The following CDK5RAP1 variants were observed in gnomAD, a reference collection of about 807,000 sequenced individuals.
CDK5RAP1 encodes mitochondrial tRNA methylthiotransferase CDK5RAP1.
In CDK5RAP1, 62 loss-of-function variants were observed where a neutral mutation model predicts 64.5. The observed-to-expected ratio is 0.96, with a 90% CI of 0.78 to 1.19. The LOEUF (loss-of-function observed/expected upper bound fraction) is 1.19, where lower values mean the gene tolerates loss of function less well. Ranked by LOEUF, CDK5RAP1 falls within the 50% of genes most tolerant of loss-of-function variation. CDK5RAP1 has a pLI of 0.00. For synonymous variants in CDK5RAP1, 250 were observed against 261.9 expected, an observed-to-expected ratio of 0.95 and a Z score of 0.44; for missense variants, 657 against 735.0, an observed-to-expected ratio of 0.89 and a Z score of 1.23.
At position 33,367,026 on chromosome 20, in the gene CDK5RAP1, A is replaced by AG. The variant is rs1568682865; in HGVS notation, c.1393-19_1393-18insC. The AG allele has an allele frequency of 1.1e-5, 17 of 1,590,922 alleles. No homozygotes were observed. The South Asian group carries it at 1.1e-4, about 11-fold the overall frequency. ...CGTGTCTTCTATTAAAAAAAAAAAA[A>AG]AGAGAGAAGATGGAGGTCACCAAGG... On this transcript the variant is annotated intron_variant, in intron 11 of 13. Coordinates refer to ENST00000346416, the MANE Select transcript of CDK5RAP1 (RefSeq NM_016408.4).
chr20:33,365,095 C>T (rs778028953), intron 12 of CDK5RAP1, among the ~76,000 whole-genome samples: 1 of 151,692 alleles, frequency 6.6e-6, no homozygotes, highest in Non-Finnish European at 1.5e-5. Context: ...TAGGTTTCAC[C>T]ATGTTGCCTA....
At chr20:33,369,855 C>A (rs970817124) in intron 11 of CDK5RAP1, among the ~76,000 whole-genome samples, 2 of 152,328 alleles carry the variant, frequency 1.3e-5, no homozygotes, top group South Asian at 4.1e-4. Flanking sequence ...CCCCTGGCCA[C>A]AGGGGGCCTT....
At chr20:33,391,955 C>T (rs974778336) in intron 5 of CDK5RAP1, among the ~76,000 whole-genome samples, 187 bp downstream of exon 5, 39 of 152,218 alleles carry the variant, frequency 2.6e-4, no homozygotes, top group Admixed American at 9.8e-4. Context: ...CAAGGAACTA[C>T]GGAAAGCCCT....
intron 3 of CDK5RAP1, among the ~76,000 whole-genome samples, chr20:33,394,719 A>T (rs911375042): frequency 6.6e-6 from 1 of 152,162 alleles, no homozygotes; most frequent in Non-Finnish European, 1.5e-5. Flanking sequence ...CGCATTTTCC[A>T]TAACTTTTTC....
chr20:33,362,692 A>C lies in CDK5RAP1; in HGVS notation c.1543-2201T>G, dbSNP rs997253635. On this transcript the variant is annotated intron_variant, in intron 12 of 13. Coordinates refer to ENST00000346416, the MANE Select transcript of CDK5RAP1 (RefSeq NM_016408.4). ...AGTAAAACTCTGTAAAAATAGTACA[A>C]AAGGAGGAGGAAGGGACAGAAGTAT... Among the ~76,000 whole-genome samples, 8 of 152,224 alleles carry C rather than the reference A, an allele frequency of 5.3e-5. 2 individuals carry two copies. Among genetic ancestry groups the C allele is most frequent in the Admixed American group, 3.3e-4 (5 of 15,282 alleles).
At chr20:33,382,361 A>G (rs1168558652) in intron 7 of CDK5RAP1, among the ~76,000 whole-genome samples, 1 of 152,200 alleles carries the variant, frequency 6.6e-6, no homozygotes, top group Non-Finnish European at 1.5e-5. Context: ...ATTTTTGTTA[A>G]TCTTACTGGA....
Position 33,378,764 on chromosome 20 carries a change from G to A in CDK5RAP1, c.1107+697C>T, listed in dbSNP as rs968585632. ...ATTTGAACCCGGGTCTGAGGCGAAA[G>A]TCTGGGCTGTTTCCCAGAGCACCAC... is the stretch of plus-strand genomic sequence containing the variant. On this transcript the variant is annotated intron_variant, in intron 8 of 13. Transcript: ENST00000346416. 3.3e-5 allele frequency among the ~76,000 whole-genome samples: 5 copies of A among 152,160 alleles called. No individual in the cohort carries two copies. In the South Asian group the frequency reaches 1.0e-3, roughly 32 times the overall value.
chr20:33,397,383 T>C (rs906985144), intron 1 of CDK5RAP1, among the ~76,000 whole-genome samples: 1 of 152,178 alleles, frequency 6.6e-6, no homozygotes, highest in Non-Finnish European at 1.5e-5. Context: ...CCAAGACCAG[T>C]TCCCAAGGCT....
chr20:33,375,086 T>C (rs188218931), intron 8 of CDK5RAP1, among the ~76,000 whole-genome samples: 2 of 150,192 alleles, frequency 1.3e-5, no homozygotes, highest in East Asian at 4.0e-4. Context: ...TGAAAACATA[T>C]TGACAAAGGA....
At chr20:33,371,737 T>G (rs1332023667) in intron 10 of CDK5RAP1, among the ~76,000 whole-genome samples, 1 of 152,018 alleles carries the variant, frequency 6.6e-6, no homozygotes, top group Non-Finnish European at 1.5e-5. Context: ...GAGCCGAGAT[T>G]GCGCCACTGC....
intron 8 of CDK5RAP1, among the ~76,000 whole-genome samples, chr20:33,376,268 G>A (rs1271813525): frequency 6.6e-6 from 1 of 152,096 alleles, no homozygotes; most frequent in Non-Finnish European, 1.5e-5. Flanking sequence ...AGGTTGCAGT[G>A]AGCTGAGATC....
chr20:33,379,737 T>C, intron 7 of CDK5RAP1, 46 bp from the exon 8 acceptor site: 1 of 1,403,564 alleles, frequency 7.1e-7, no homozygotes, highest in Non-Finnish European at 9.9e-7. Context: ...TTTGGGTAGC[T>C]TCATAAAAAA....
intron 12 of CDK5RAP1, among the ~76,000 whole-genome samples, chr20:33,363,812 C>T (rs1473861277): frequency 6.6e-6 from 1 of 152,044 alleles, no homozygotes; most frequent in South Asian, 2.1e-4. Flanking sequence ...GCAGGAGGGT[C>T]GCGTGAGCCC....
intron 3 of CDK5RAP1, among the ~76,000 whole-genome samples, chr20:33,394,760 A>T (rs1205456973): frequency 6.6e-6 from 1 of 152,198 alleles, no homozygotes; most frequent in African/African-American, 2.4e-5. Flanking sequence ...TGTACTCGTT[A>T]AACAGTAACT....
chr20:33,373,052 C>T (rs900019637), intron 9 of CDK5RAP1: 4 of 206,092 alleles, frequency 1.9e-5, no homozygotes, highest in African/African-American at 9.5e-5. Context: ...GCTGGGACCA[C>T]AGATGTGCGC....
chr20:33,400,033 G>C (rs1989256825), intron 1 of CDK5RAP1, among the ~76,000 whole-genome samples: 1 of 152,198 alleles, frequency 6.6e-6, no homozygotes, highest in South Asian at 2.1e-4. Context: ...AACAGAGAGA[G>C]AGAGAACTTG....
intron 1 of CDK5RAP1, among the ~76,000 whole-genome samples, chr20:33,398,832 G>A (rs1481512722): frequency 6.6e-6 from 1 of 151,976 alleles, no homozygotes; most frequent in East Asian, 1.9e-4. Flanking sequence ...AGGTTGAGAT[G>A]AAAGGATTGC....
At chr20:33,386,101 C>G (rs1018829146) in intron 6 of CDK5RAP1, among the ~76,000 whole-genome samples, 1 of 152,220 alleles carries the variant, frequency 6.6e-6, no homozygotes, top group African/African-American at 2.4e-5. Flanking sequence ...GAGTCTCACT[C>G]TGTCACCAGG....
In CDK5RAP1 at chr20:33,366,968, T is replaced by C. The variant is rs1276654751; in HGVS notation, c.1433A>G (p.Glu478Gly). ...CTCCAAACGCCTTAATTTTACCTCT[T>C]CCGGGACATCATCCTTCAGCCTATG... is the stretch of plus-strand genomic sequence containing the variant. ...AYHRLKDDVPEEVKLRRLEEL... is the reference protein window; with the variant it reads ...AYHRLKDDVPGEVKLRRLEEL... Residue 478 changes from glutamate (E) to glycine (G), a missense_variant, in exon 12 of 14, where the codon GAA becomes GGA. By Grantham distance (98) the Glu-to-Gly change is moderately conservative (BLOSUM62 -2). Transcript: ENST00000346416. The C allele has an allele frequency of 6.2e-7, 1 of 1,613,692 alleles. No individual in the cohort carries two copies. The highest frequency in any genetic ancestry group is 1.7e-5 in the Admixed American group (1 of 59,970).
Sources: gnomAD v4.1 joint callset for allele counts (sites outside exome capture counted in the v4.1 genomes callset) on GRCh38, gnomAD v4.1.1 for gene constraint, MANE v1.5 for transcripts, NCBI Gene and HGNC (gene_info 2026-07-23, HGNC 2026-07-21) for gene names.